Variants in EML5 observed in about 807,000 individuals in gnomAD.
EML5 encodes the protein echinoderm microtubule-associated protein-like 5.
EML5 carries 120 observed loss-of-function variants against 250.0 expected under a neutral mutation model. The ratio of observed to expected loss-of-function variants is 0.48; its 90% CI spans 0.41 to 0.56. The LOEUF is 0.56. EML5 is among the 20% of genes least tolerant of loss of function. The pLI is 0.00. For synonymous variants in EML5, 771 were observed against 806.5 expected, an observed-to-expected ratio of 0.96 and a Z score of 0.75; for missense variants, 2,006 against 2,437.6, an observed-to-expected ratio of 0.82 and a Z score of 3.73.
chr14:88,615,917 A>T (rs868378512), intron 43 of EML5, 63 bp from the exon 44 acceptor site: 4 of 1,548,702 alleles, frequency 2.6e-6, no homozygotes, highest in Middle Eastern at 3.5e-4. Flanking sequence ...TAACAGTTTA[A>T]TATTTTTCAG....
chr14:88,632,282 G>GT (rs778764826), intron 33 of EML5, among the ~76,000 whole-genome samples: 2 of 152,118 alleles, frequency 1.3e-5, no homozygotes, highest in Non-Finnish European at 2.9e-5. Context: ...CTGCTTAACT[G>GT]TTTTTTGCTT....
intron 9 of EML5, among the ~76,000 whole-genome samples, chr14:88,713,733 G>A (rs566372635): frequency 1.3e-5 from 2 of 151,688 alleles, no homozygotes; most frequent in African/African-American, 4.8e-5. Flanking sequence ...TGGGATTACA[G>A]GCGTGAGGCA....
chr14:88,650,012 A>G, intron 27 of EML5, 86 bp from the exon 28 acceptor site: 1 of 910,590 alleles, frequency 1.1e-6, no homozygotes, highest in Non-Finnish European at 1.5e-6. Context: ...AAACAGAAGA[A>G]AGGCAACATG....
chr14:88,651,081 T>C (rs1233434776), intron 27 of EML5, among the ~76,000 whole-genome samples: 2 of 152,012 alleles, frequency 1.3e-5, no homozygotes, highest in African/African-American at 2.4e-5. Flanking sequence ...AACCTCTTCA[T>C]TTGTAATCTC....
intron 1 of EML5, among the ~76,000 whole-genome samples, chr14:88,763,041 C>T (rs1205764256): frequency 6.6e-6 from 1 of 152,070 alleles, no homozygotes; most frequent in African/African-American, 2.4e-5. Context: ...CACTAAATGC[C>T]CACAGGTGAA....
At chr14:88,618,379 C>T in intron 40 of EML5, 48 bp from the exon 41 acceptor site, 1 of 1,509,940 alleles carries the variant, frequency 6.6e-7, no homozygotes, top group East Asian at 2.3e-5. Context: ...AGGTGAGAGA[C>T]AAAATCCACA....
At chr14:88,778,273 G>A (rs886499434) in intron 1 of EML5, among the ~76,000 whole-genome samples, 1 of 152,090 alleles carries the variant, frequency 6.6e-6, no homozygotes, top group Non-Finnish European at 1.5e-5. Context: ...AACAGCAAGA[G>A]AAAGTTCTTA....
At position 88,792,526 on chromosome 14, in the gene EML5, C is replaced by G. The variant is rs1454127981; in HGVS notation, c.-23G>C. 28 of 1,292,032 alleles carry G rather than the reference C, an allele frequency of 2.2e-5. No individual in the cohort carries two copies. The highest frequency in any genetic ancestry group is 2.8e-5 in the Non-Finnish European group (28 of 1,014,134). 80.0% of individuals were successfully genotyped at this position (1,292,032 alleles called of 1,614,324 possible). A position where few individuals can be genotyped will look rare whatever the true frequency, so the allele number is the denominator to read the frequency against. On this transcript the variant is annotated 5_prime_UTR_variant, in exon 1 of 44. Transcript: ENST00000554922. This position sits in a 1 kb window ranked among gnomAD's most constrained non-coding sequence, Gnocchi z 6.9. ...CATGTCGGGGCGCCCACCCGCCGCT[C>G]CCGCTCGGGCCCGCGGCGGCGACGG... is the stretch of plus-strand genomic sequence containing the variant.
chr14:88,649,381 A>T (rs1212923503), intron 28 of EML5, among the ~76,000 whole-genome samples: 1 of 152,130 alleles, frequency 6.6e-6, no homozygotes, highest in Non-Finnish European at 1.5e-5. Flanking sequence ...TTTATAAAAC[A>T]GACTAGCCAT....
intron 1 of EML5, among the ~76,000 whole-genome samples, chr14:88,780,661 C>T (rs1381250581): frequency 2.0e-5 from 3 of 152,120 alleles, no homozygotes; most frequent in Admixed American, 6.5e-5. Context: ...CTGCAACCTC[C>T]GCCTCCCAGA....
chr14:88,681,569 GAAAAGTTTCCAGTTCTA>G (rs1019933179), intron 21 of EML5, among the ~76,000 whole-genome samples: 1 of 152,120 alleles, frequency 6.6e-6, no homozygotes, highest in African/African-American at 2.4e-5. Context: ...CTATGCCTTA[GAAAAGTTTCCAGTTCTA>G]AATTATGTAT....
At chr14:88,656,561 A>C (rs948738352) in intron 27 of EML5, among the ~76,000 whole-genome samples, 1 of 152,164 alleles carries the variant, frequency 6.6e-6, no homozygotes, top group African/African-American at 2.4e-5. Context: ...GCACATGTAT[A>C]CCTATGTAAC....
chr14:88,778,684 C>A (rs535525292), intron 1 of EML5, among the ~76,000 whole-genome samples: 1 of 152,306 alleles, frequency 6.6e-6, no homozygotes, highest in South Asian at 2.1e-4. Context: ...GAGGCTGAGG[C>A]AGAGGAATCA....
chr14:88,617,070 T>C (rs1294253867), intron 41 of EML5, 191 bp from the exon 42 acceptor site: 10 of 468,584 alleles, frequency 2.1e-5, no homozygotes, highest in East Asian at 3.1e-5. Context: ...AAAAATGACA[T>C]TTTATAATTT....
chr14:88,622,639 C>T lies in EML5; in HGVS notation c.4978G>A (p.Ala1660Thr), dbSNP rs1371636301. 1.9e-6 allele frequency: 3 copies of T among 1,610,908 alleles called. No homozygotes were observed. Among genetic ancestry groups the T allele is most frequent in the Admixed American group, 1.7e-5 (1 of 59,648 alleles). ...CRAFRLETGQATDCVRSVCRG... is the reference protein window; with the variant it reads ...CRAFRLETGQTTDCVRSVCRG... ...CACACAGAACGAACACAATCTGTGG[C>T]TTGTCCTGTCTCAAGCCTGAAGGCA... The change falls in exon 37 of 44, where the codon GCC (alanine) becomes ACC (threonine). Residue 1660 changes from alanine (A) to threonine (T), a missense_variant. This residue lies in a region of EML5 where 405 missense variants were observed against 523.3 expected (regional missense o/e 0.77). Coordinates refer to ENST00000554922, the MANE Select transcript of EML5 (RefSeq NM_183387.3).
intron 31 of EML5, among the ~76,000 whole-genome samples, chr14:88,641,624 C>G (rs972947474): frequency 3.3e-5 from 5 of 152,082 alleles, no homozygotes; most frequent in Non-Finnish European, 5.9e-5. Context: ...ATCCAACATC[C>G]CTTTCATGTT....
At chr14:88,630,664 G>A (rs765067872) in intron 33 of EML5, among the ~76,000 whole-genome samples, 7 of 152,124 alleles carry the variant, frequency 4.6e-5, no homozygotes, top group South Asian at 2.1e-4. Flanking sequence ...TTCTCAGTTC[G>A]CAGTTTGCTT....
intron 10 of EML5, among the ~76,000 whole-genome samples, chr14:88,709,089 T>A (rs996527862): frequency 6.6e-6 from 1 of 152,048 alleles, no homozygotes; most frequent in Non-Finnish European, 1.5e-5. Flanking sequence ...ATATATGGTA[T>A]CAATATGACA....
chr14:88,746,321 G>A, intron 2 of EML5, 38 bp from the exon 3 acceptor site: 1 of 1,535,690 alleles, frequency 6.5e-7, no homozygotes, highest in Non-Finnish European at 8.9e-7. Context: ...GGAATAAAAA[G>A]GCAAACAAAT....
Sources: allele counts gnomAD v4.1 joint callset (sites outside exome capture counted in the v4.1 genomes callset), GRCh38; gene constraint gnomAD v4.1.1; regional missense constraint gnomAD v4.1.1; non-coding constraint Gnocchi (gnomAD v3.1); transcripts MANE v1.5; gene names NCBI Gene and HGNC (gene_info 2026-07-23, HGNC 2026-07-21).